Variants in DLG2 observed in about 807,000 individuals in gnomAD.
DLG2 encodes disks large homolog 2.
A neutral mutation model predicts 132.5 loss-of-function variants in DLG2; 45 were observed. That is an observed-to-expected ratio of 0.34 (90% CI 0.27 to 0.44). DLG2 has a LOEUF of 0.44. DLG2 is among the 20% of genes least tolerant of loss of function. The pLI, the probability that DLG2 is intolerant of heterozygous loss-of-function variation, is 1.00. For missense variants in DLG2, 1,045 were observed against 1,196.9 expected (o/e 0.87, Z 1.87); for synonymous variants, 424 against 419.6 (o/e 1.01, Z -0.13).
intron 6 of DLG2, among the ~76,000 whole-genome samples, chr11:84,856,946 G>A (rs1442005928): frequency 1.3e-5 from 2 of 151,962 alleles, no homozygotes; most frequent in African/African-American, 2.4e-5. Flanking sequence ...AGAACCAAAA[G>A]TATGTTTTGT....
chr11:84,103,852 A>G (rs953018336), intron 9 of DLG2, among the ~76,000 whole-genome samples: 12 of 152,152 alleles, frequency 7.9e-5, no homozygotes, highest in Non-Finnish European at 1.6e-4. Flanking sequence ...AAGTAGTAAT[A>G]TTATAATCAC....
chr11:84,037,762 T>C (rs1315131944), intron 11 of DLG2, among the ~76,000 whole-genome samples: 1 of 152,120 alleles, frequency 6.6e-6, no homozygotes, highest in African/African-American at 2.4e-5. Context: ...TATTAAATGG[T>C]AGTTTTTCCC....
chr11:84,867,014 A>G (rs1423224624), intron 6 of DLG2, among the ~76,000 whole-genome samples: 2 of 152,358 alleles, frequency 1.3e-5, no homozygotes, highest in South Asian at 4.1e-4. Flanking sequence ...TAAAGATTTT[A>G]TGAATAATAA....
In DLG2 at chr11:84,861,618, C is replaced by CAAAAAAAAAAAAAAA. The variant is rs1177657034; in HGVS notation, c.357+250028_357+250042dup. Among the ~76,000 whole-genome samples the CAAAAAAAAAAAAAAA allele has an allele frequency of 1.2e-3, 43 of 35,816 alleles. 4 individuals carry two copies. The highest frequency in any genetic ancestry group is 3.4e-3 in the East Asian group (4 of 1,168). The allele number at this position is 35,816 out of a possible 152,430, so 23.5% of individuals were successfully genotyped here. A position where few individuals can be genotyped will look rare whatever the true frequency, so the allele number is the denominator to read the frequency against. ...ATTAAACTAAAGAGCTTCTACACAG[C>CAAAAAAAAAAAAAAA]AAAAAAAAAAAAAAAAAAAAACAAA... On this transcript the variant is annotated intron_variant, in intron 6 of 27. Transcript: ENST00000376104.
chr11:85,272,908 A>G (rs2077631845), intron 4 of DLG2, among the ~76,000 whole-genome samples: 2 of 152,192 alleles, frequency 1.3e-5, no homozygotes, highest in South Asian at 4.2e-4. Context: ...AAACAGAGAT[A>G]TAGACCAATG....
At chr11:85,219,346 A>G (rs1362661245) in intron 4 of DLG2, among the ~76,000 whole-genome samples, 1 of 152,260 alleles carries the variant, frequency 6.6e-6, no homozygotes, top group East Asian at 1.9e-4. Context: ...CTCTTATAAC[A>G]CTTTCATTAC....
chr11:83,594,580 T>C (rs1215976495), intron 19 of DLG2, among the ~76,000 whole-genome samples: 6 of 152,186 alleles, frequency 3.9e-5, no homozygotes, highest in Admixed American at 3.9e-4. Context: ...AATCAAGGTT[T>C]ATATTAAATA....
At chr11:85,569,157 G>A (rs1245627764) in intron 3 of DLG2, among the ~76,000 whole-genome samples, 1 of 152,054 alleles carries the variant, frequency 6.6e-6, no homozygotes, top group Non-Finnish European at 1.5e-5. Context: ...TCAGCCTCCT[G>A]AGTAGCTGGG....
chr11:83,596,090 A>G (rs547973442), intron 19 of DLG2, among the ~76,000 whole-genome samples: 7 of 152,188 alleles, frequency 4.6e-5, no homozygotes, highest in African/African-American at 9.7e-5. Flanking sequence ...AGCTCAAACA[A>G]TATAACTGAA....
intron 6 of DLG2, among the ~76,000 whole-genome samples, chr11:84,937,560 A>G (rs2048898204): frequency 6.6e-6 from 1 of 152,158 alleles, no homozygotes; most frequent in African/African-American, 2.4e-5. Flanking sequence ...CAGTTTAGCT[A>G]ACTCTGGAGG....
intron 15 of DLG2, among the ~76,000 whole-genome samples, chr11:83,884,972 G>C (rs990057369): frequency 6.6e-6 from 1 of 152,072 alleles, no homozygotes; most frequent in Non-Finnish European, 1.5e-5. Flanking sequence ...AAGACCAAAA[G>C]TAGATAAAAC....
intron 8 of DLG2, among the ~76,000 whole-genome samples, chr11:84,181,340 AAAG>A (rs925596912): frequency 1.9e-4 from 29 of 152,072 alleles, no homozygotes; most frequent in African/African-American, 5.3e-4. Context: ...TGAAAAAGTA[AAAG>A]AAGAAGTATA....
At chr11:84,232,981 A>G (rs986781577) in intron 8 of DLG2, among the ~76,000 whole-genome samples, 2 of 152,184 alleles carry the variant, frequency 1.3e-5, no homozygotes, top group Non-Finnish European at 2.9e-5. Flanking sequence ...GCCTGAGCAC[A>G]AGTCCAATTT....
chr11:85,195,896 T>C (rs1384233766), intron 4 of DLG2, among the ~76,000 whole-genome samples: 1 of 152,156 alleles, frequency 6.6e-6, no homozygotes, highest in Non-Finnish European at 1.5e-5. Context: ...ATAGAAACAA[T>C]TTTGAAAAGT....
intron 3 of DLG2, among the ~76,000 whole-genome samples, chr11:85,341,079 G>A (rs367904901): frequency 1.3e-5 from 2 of 151,402 alleles, no homozygotes; most frequent in Non-Finnish European, 2.9e-5. Context: ...GAGGTAGAAG[G>A]TATGAAAATT....
At chr11:83,886,480 C>T (rs1308447958) in intron 15 of DLG2, among the ~76,000 whole-genome samples, 2 of 152,206 alleles carry the variant, frequency 1.3e-5, no homozygotes, top group Non-Finnish European at 1.5e-5. Flanking sequence ...AAGACTTAGA[C>T]TCCCACACAA....
intron 6 of DLG2, among the ~76,000 whole-genome samples, chr11:85,063,658 A>G (rs886728851): frequency 2.6e-5 from 4 of 151,892 alleles, no homozygotes; most frequent in Admixed American, 2.0e-4. Context: ...ATTTCCCTCT[A>G]ACTTGCGTGC....
chr11:83,547,886 G>C (rs961735270), intron 19 of DLG2, among the ~76,000 whole-genome samples: 1 of 152,118 alleles, frequency 6.6e-6, no homozygotes, highest in Non-Finnish European at 1.5e-5. Flanking sequence ...TTTTGAATTG[G>C]GAAGTGGACA....
chr11:84,282,700 G>A (rs541387298), intron 7 of DLG2, among the ~76,000 whole-genome samples: 27 of 152,262 alleles, frequency 1.8e-4, no homozygotes, highest in South Asian at 8.3e-4. Context: ...AGGAAGGGAG[G>A]CAGAGGATAT....
Sources: allele counts gnomAD v4.1 joint callset (sites outside exome capture counted in the v4.1 genomes callset), GRCh38; gene constraint gnomAD v4.1.1; transcripts MANE v1.5; gene names NCBI Gene and HGNC (gene_info 2026-07-23, HGNC 2026-07-21).